The following USH2A variants were observed in gnomAD, a reference collection of about 807,000 sequenced individuals.
The protein encoded by USH2A is usherin.
In USH2A, 443 loss-of-function variants were observed where a neutral mutation model predicts 538.9. The ratio of observed to expected loss-of-function variants is 0.82; its 90% confidence interval spans 0.76 to 0.89. USH2A has a LOEUF of 0.89. Ranked by LOEUF, USH2A falls within the 40% of genes least tolerant of loss-of-function variation. The probability of loss-of-function intolerance (pLI) is 0.00; values close to 1 mark genes in which losing one functional copy is unlikely to be tolerated. For synonymous variants in USH2A, 2,413 were observed against 2,273.5 expected, an observed-to-expected ratio of 1.06 and a Z score of -1.75; for missense variants, 6,633 against 6,324.8, an observed-to-expected ratio of 1.05 and a Z score of -1.65.
At chr1:215,920,727 T>C (rs914644539) in intron 38 of USH2A, among the ~76,000 whole-genome samples, 3 of 152,094 alleles carry the variant, frequency 2.0e-5, no homozygotes, top group Non-Finnish European at 2.9e-5. Flanking sequence ...ATAGACACTG[T>C]GCTTTACAAA....
rs1434677285 is a variant in USH2A at position 216,408,413 on chromosome 1, C to T, written c.651+10101G>A. ...AAGACTCCCAGTGAATGCCTGAAAC[C>T]GTGGATATTACTGAACCCAATATAT... On this transcript the variant is annotated intron_variant, in intron 3 of 71. Transcript: ENST00000307340. Among the ~76,000 whole-genome samples, 15 of 152,204 alleles carry T rather than the reference C, an allele frequency of 9.9e-5. No individual in the cohort carries two copies. In the East Asian group the frequency reaches 1.9e-3, roughly 20 times the overall value.
intron 32 of USH2A, among the ~76,000 whole-genome samples, chr1:216,030,970 G>A (rs1558221232): frequency 6.6e-6 from 1 of 151,784 alleles, no homozygotes. Context: ...AGAATACTTT[G>A]AATTTAATTT....
At chr1:216,284,185 T>C (rs1234353111) in intron 11 of USH2A, among the ~76,000 whole-genome samples, 1 of 152,086 alleles carries the variant, frequency 6.6e-6, no homozygotes, top group African/African-American at 2.4e-5. Flanking sequence ...CAAAGAAATC[T>C]GAGATAGTTT....
chr1:215,914,100 G>T (rs1665886786), intron 38 of USH2A, among the ~76,000 whole-genome samples: 1 of 121,528 alleles, frequency 8.2e-6, no homozygotes. Context: ...TTGAGACAGA[G>T]TCTCGCTCTG....
chr1:215,759,899 A>AGGG, intron 56 of USH2A, 56 bp from the exon 57 acceptor site: 1 of 1,603,772 alleles, frequency 6.2e-7, no homozygotes, highest in Non-Finnish European at 8.5e-7. Flanking sequence ...ACAGTGTATC[A>AGGG]AAAGTCACAC....
Position 216,175,091 on chromosome 1 carries a change from A to G in USH2A, c.4627+161T>C, listed in dbSNP as rs771693146. 2.4e-4 allele frequency: 350 copies of G among 1,459,258 alleles called. No individual in the cohort carries two copies. The highest frequency in any genetic ancestry group is 3.0e-4 in the Non-Finnish European group (333 of 1,106,878). The allele number at this position is 1,459,258 out of a possible 1,614,324, so 90.4% of individuals were successfully genotyped here. A position where few individuals can be genotyped will look rare whatever the true frequency, so the allele number is the denominator to read the frequency against. ...TGACTTTTTTCCCCAGAATTCTAAA[A>G]AGATGGACATGCTGAAACAATCAGG... On this transcript the variant is annotated intron_variant, in intron 21 of 71. Transcript: ENST00000307340.
At chr1:215,915,494 T>C (rs375017902) in intron 38 of USH2A, among the ~76,000 whole-genome samples, 3 of 152,114 alleles carry the variant, frequency 2.0e-5, no homozygotes, top group South Asian at 2.1e-4. Context: ...CTGTCTTTCT[T>C]AGTCTGTTAC....
intron 21 of USH2A, among the ~76,000 whole-genome samples, chr1:216,106,966 T>C (rs531062662): frequency 1.2e-4 from 19 of 152,032 alleles, no homozygotes; most frequent in Admixed American, 9.2e-4. Flanking sequence ...TAATTCTATA[T>C]AAACAGAGAA....
At chr1:216,001,823 G>A (rs918632716) in intron 32 of USH2A, among the ~76,000 whole-genome samples, 2 of 152,010 alleles carry the variant, frequency 1.3e-5, no homozygotes, top group Non-Finnish European at 2.9e-5. Flanking sequence ...TAAACATGTA[G>A]GTCACTAGAA....
At chr1:216,383,729 G>A (rs138166526) in intron 3 of USH2A, among the ~76,000 whole-genome samples, 4 of 152,292 alleles carry the variant, frequency 2.6e-5, no homozygotes, top group South Asian at 2.1e-4. Flanking sequence ...CTAGGCTGGA[G>A]TGCAGTGGCA....
intron 3 of USH2A, among the ~76,000 whole-genome samples, chr1:216,366,118 A>G (rs1393781126): frequency 1.3e-5 from 2 of 152,132 alleles, no homozygotes; most frequent in African/African-American, 2.4e-5. Flanking sequence ...AGCTTAAATG[A>G]AAAAGGAATA....
intron 35 of USH2A, among the ~76,000 whole-genome samples, chr1:215,989,348 A>G (rs1198962593): frequency 6.6e-6 from 1 of 152,126 alleles, no homozygotes; most frequent in Non-Finnish European, 1.5e-5. Flanking sequence ...CAGAGGGATG[A>G]CATGTCCACA....
At chr1:215,862,970 AC>A (rs1301780318) in intron 44 of USH2A, among the ~76,000 whole-genome samples, 1 of 152,188 alleles carries the variant, frequency 6.6e-6, no homozygotes, top group Non-Finnish European at 1.5e-5. Flanking sequence ...AGAATTTGAA[AC>A]CTTGAGTATA....
chr1:216,402,696 T>C (rs2039327376), intron 3 of USH2A, among the ~76,000 whole-genome samples: 3 of 152,186 alleles, frequency 2.0e-5, no homozygotes, highest in African/African-American at 7.2e-5. Flanking sequence ...ATGGACCATT[T>C]ATCTTATTGG....
At chr1:216,239,614 T>C (rs538161315) in intron 13 of USH2A, among the ~76,000 whole-genome samples, 1 of 152,268 alleles carries the variant, frequency 6.6e-6, no homozygotes, top group Non-Finnish European at 1.5e-5. Context: ...TGTTTCTTAT[T>C]AGCTATGGTG....
chr1:216,003,068 C>T (rs182784746), intron 32 of USH2A, among the ~76,000 whole-genome samples: 136 of 152,108 alleles, frequency 8.9e-4, no homozygotes, highest in Middle Eastern at 6.8e-3. Context: ...TTATCCGTGC[C>T]CGGATTCTTC....
intron 37 of USH2A, among the ~76,000 whole-genome samples, chr1:215,960,793 C>A (rs2102450275): frequency 6.6e-6 from 1 of 152,124 alleles, no homozygotes; most frequent in South Asian, 2.1e-4. Context: ...TTTAGTTTTT[C>A]CATATTCAGT....
rs200525258 is a variant in USH2A at position 215,867,092 on chromosome 1, C to T, written c.8760G>A (p.Thr2920=). The change falls in exon 44 of 72, where the codon ACG becomes ACA. Residue 2920 remains threonine (T), a synonymous_variant. Coordinates refer to ENST00000307340, the MANE Select transcript of USH2A (RefSeq NM_206933.4). ...CTCCTCTCTCTGGAAGACCAGCTAA[C>T]GTTGTCACAGTCACTTCTCGGCTCG... ...FTPSREVTVT[T]LAGLPERGAN... 3.8e-5 allele frequency: 62 copies of T among 1,614,160 alleles called. No individual in the cohort carries two copies. The East Asian group carries it at 1.2e-3, about 32-fold the overall frequency.
At chr1:215,850,694 C>T (rs958866413) in intron 44 of USH2A, among the ~76,000 whole-genome samples, 7 of 152,156 alleles carry the variant, frequency 4.6e-5, no homozygotes, top group Non-Finnish European at 1.0e-4. Context: ...AACAAATAGA[C>T]TTAACAGATA....
Sources: gnomAD v4.1 joint callset for allele counts (sites outside exome capture counted in the v4.1 genomes callset) on GRCh38, gnomAD v4.1.1 for gene constraint, MANE v1.5 for transcripts, NCBI Gene and HGNC (gene_info 2026-07-23, HGNC 2026-07-21) for gene names.